The following OR10K1 variants were observed in gnomAD, a reference collection of about 807,000 sequenced individuals.
OR10K1 encodes olfactory receptor 10K1.
For missense variants in OR10K1, 404 were observed against 373.3 expected, an observed-to-expected ratio of 1.08 and a Z score of -0.68; for synonymous variants, 186 against 152.5, an observed-to-expected ratio of 1.22 and a Z score of -1.62.
In OR10K1 at chr1:158,465,966, C is replaced by T; in HGVS notation, c.405C>T (p.Leu135=). Residue 135 remains leucine (L), a synonymous_variant, in exon 2 of 2, where the codon CTC becomes CTT. Transcript: ENST00000641535. The stretch of plus-strand genomic sequence containing the variant: ...GTAACCCACTGCGCTACTCAGTGCT[C>T]ATGGGACATGGGGTGTGTATGGGAC... ...AICNPLRYSV[L]MGHGVCMGLM... is the part of the protein sequence containing the mutation. 4 of 1,614,152 alleles carry T rather than the reference C, an allele frequency of 2.5e-6. No individual in the cohort carries two copies. Among genetic ancestry groups the T allele is most frequent in the Non-Finnish European group, 3.4e-6 (4 of 1,180,024 alleles).
chr1:158,465,515 C>T lies in OR10K1; in HGVS notation c.-47C>T. ...ACATTTCCACTCTCCTTTCTGGATC[C>T]TGGTTTCTACCTCTGTCCCTGACTC... On this transcript the variant is annotated 5_prime_UTR_variant, in exon 2 of 2. Transcript: ENST00000641535. The T allele has an allele frequency of 6.9e-7, 1 of 1,458,260 alleles. No homozygotes were observed. Among genetic ancestry groups the T allele is most frequent in the Non-Finnish European group, 9.5e-7 (1 of 1,057,366 alleles). 90.3% of individuals were successfully genotyped at this position (1,458,260 alleles called of 1,614,324 possible).
Position 158,466,016 on chromosome 1 carries a change from G to A in OR10K1, c.455G>A (p.Gly152Asp). Residue 152 changes from glycine (G) to aspartate (D), a missense_variant, in exon 2 of 2, where the codon GGC (glycine) becomes GAC (aspartate). By Grantham distance (94) the Gly-to-Asp change is moderately conservative. Transcript: ENST00000641535. The stretch of plus-strand genomic sequence containing the variant: ...CTAATGGCTGCTGCCTGTGCCTGTG[G>A]CTTCACTGTCTCCCTGGTCACCACC... ...MGLMAAACAC[G>D]FTVSLVTTSL... is the part of the protein sequence containing the mutation. 1.2e-6 allele frequency: 2 copies of A among 1,614,052 alleles called. No individual in the cohort carries two copies. Among genetic ancestry groups the A allele is most frequent in the Non-Finnish European group, 1.7e-6 (2 of 1,180,012 alleles).
intron 1 of OR10K1, among the ~76,000 whole-genome samples, chr1:158,464,672 A>C (rs1655998098): frequency 6.6e-6 from 1 of 152,078 alleles, no homozygotes; most frequent in African/African-American, 2.4e-5. Flanking sequence ...TTTTTGAGAC[A>C]GATTCTCACT....
In OR10K1 at chr1:158,466,109, C is replaced by T. The variant is rs527774086; in HGVS notation, c.548C>T (p.Pro183Leu). The change falls in exon 2 of 2, where the codon CCT becomes CTT. Residue 183 changes from proline to leucine, a missense_variant. Transcript: ENST00000641535. ...QLHHFFCDIS[P>L]VLKLASQHSG... Reference sequence around the variant, plus strand: ...CATCACTTCTTCTGTGACATCTCCCCTGTCCTTAAACTGGCATCTCAGCAC... The same window carrying T: ...CATCACTTCTTCTGTGACATCTCCCTTGTCCTTAAACTGGCATCTCAGCAC... 2.5e-6 allele frequency: 4 copies of T among 1,613,970 alleles called. No homozygotes were observed. The highest frequency in any genetic ancestry group is 3.3e-5 in the Admixed American group (2 of 60,016).
Position 158,466,420 on chromosome 1 carries a change from C to G in OR10K1, c.859C>G (p.Pro287Ala), listed in dbSNP as rs1246234881. The change falls in exon 2 of 2, where the codon CCA becomes GCA. Residue 287 changes from proline (P) to alanine (A), a missense_variant. Physicochemically the swap from Pro to Ala is conservative, Grantham distance 27. Coordinates refer to ENST00000641535, the MANE Select transcript of OR10K1 (RefSeq NM_001004473.2). ...SYTILTPLFN[P>A]MIYSLRNKEF... ...CACCATCCTTACCCCATTGTTCAAT[C>G]CAATGATTTATAGTCTGAGAAATAA... The G allele has an allele frequency of 1.2e-6, 2 of 1,613,738 alleles. No homozygotes were observed. The highest frequency in any genetic ancestry group is 1.3e-5 in the African/African-American group (1 of 74,920).
At chr1:158,464,763 C>T (rs1403642383) in intron 1 of OR10K1, among the ~76,000 whole-genome samples, 1 of 152,142 alleles carries the variant, frequency 6.6e-6, no homozygotes, top group Non-Finnish European at 1.5e-5. Context: ...AATCTCATGC[C>T]TCAGCCTCCC....
In OR10K1 at chr1:158,466,248, T is replaced by G; in HGVS notation, c.687T>G (p.Pro229=). The change falls in exon 2 of 2, where the codon CCT becomes CCG. Residue 229 remains proline, a synonymous_variant. Coordinates refer to ENST00000641535, the MANE Select transcript of OR10K1 (RefSeq NM_001004473.2). The stretch of plus-strand genomic sequence containing the variant: ...TCATCTCTGCCATTCTAAAAATCCC[T>G]TCCTCCGTTGGAAGATACAAGACCT... ...IRIISAILKI[P]SSVGRYKTFS... The G allele has an allele frequency of 6.2e-7, 1 of 1,614,182 alleles. No homozygotes were observed. The highest frequency in any genetic ancestry group is 8.5e-7 in the Non-Finnish European group (1 of 1,180,024).
chr1:158,465,118 G>A (rs544761466), intron 1 of OR10K1, among the ~76,000 whole-genome samples: 1 of 152,088 alleles, frequency 6.6e-6, no homozygotes, highest in East Asian at 1.9e-4. Context: ...TTTCATGGTT[G>A]GATAAACTGA....
At chr1:158,464,653 A>T (rs887598515) in intron 1 of OR10K1, among the ~76,000 whole-genome samples, 2 of 151,712 alleles carry the variant, frequency 1.3e-5, no homozygotes, top group African/African-American at 4.8e-5. Context: ...ATTTTATTTT[A>T]TTTATTTATT....
At chr1:158,463,620 T>C (rs973243300) in intron 1 of OR10K1, among the ~76,000 whole-genome samples, 1 of 152,212 alleles carries the variant, frequency 6.6e-6, no homozygotes, top group African/African-American at 2.4e-5. Context: ...GAGGGCCTAG[T>C]GGCGGTTAAA....
In OR10K1 at chr1:158,465,651, C is replaced by T. The variant is rs147936310; in HGVS notation, c.90C>T (p.Ile30=). 6,117 of 1,614,152 alleles carry T rather than the reference C, an allele frequency of 3.8e-3. 12 individuals carry two copies. Among genetic ancestry groups the T allele is most frequent in the Middle Eastern group, 9.2e-3 (56 of 6,060 alleles). ...GGCTGCAGCAGCTGCTCTTTGTTAT[C>T]TTCCTGCTCCTCTACCTGTTCACTC... ...LARLQQLLFV[I]FLLLYLFTLG... is the part of the protein sequence containing the mutation. The change falls in exon 2 of 2, where the codon ATC becomes ATT. Residue 30 remains isoleucine (I), a synonymous_variant. Transcript: ENST00000641535.
chr1:158,462,809 T>C (rs1488193082), intron 1 of OR10K1, among the ~76,000 whole-genome samples: 1 of 152,246 alleles, frequency 6.6e-6, no homozygotes, highest in East Asian at 1.9e-4. Flanking sequence ...ACTTTGTTTC[T>C]ATTTAAATCC....
Position 158,466,149 on chromosome 1 carries a change from G to T in OR10K1, c.588G>T (p.Gln196His). ...CATCTCAGCACTCCGGCTTCAGTCA[G>T]CTGGTCATATTCATGCTTGGTGTAT... ...KLASQHSGFS[Q>H]LVIFMLGVFA... The change falls in exon 2 of 2, where the codon CAG (glutamine) becomes CAT (histidine). Residue 196 changes from glutamine to histidine, a missense_variant. Gln to His is a conservative substitution (Grantham distance 24). Transcript: ENST00000641535. The T allele has an allele frequency of 6.2e-7, 1 of 1,613,976 alleles. No individual in the cohort carries two copies. The highest frequency in any genetic ancestry group is 1.1e-5 in the South Asian group (1 of 91,054).
intron 1 of OR10K1, among the ~76,000 whole-genome samples, chr1:158,462,137 A>G (rs554575302): frequency 1.8e-4 from 28 of 151,940 alleles, no homozygotes; most frequent in Non-Finnish European, 3.8e-4. Flanking sequence ...AAAATTAGCC[A>G]GGCATGGTTG....
Position 158,467,002 on chromosome 1 carries a change from A to G in OR10K1, c.*499A>G, listed in dbSNP as rs1656058911. On this transcript the variant is annotated 3_prime_UTR_variant, in exon 2 of 2. Transcript: ENST00000641535. ...AATCTTGGTGGTCCTTTTTGTCCCC[A>G]ATTCATTTCCTTAACCTACATATTG... 1 of 153,970 alleles carries G rather than the reference A, an allele frequency of 6.5e-6. No individual in the cohort carries two copies. The highest frequency in any genetic ancestry group is 2.4e-5 in the African/African-American group (1 of 41,396). The allele number at this position is 153,970 out of a possible 1,614,324, so 9.5% of individuals were successfully genotyped here.
In OR10K1 at chr1:158,467,401, C is replaced by T. The variant is rs772935875; in HGVS notation, c.*898C>T. 59 of 152,150 alleles carry T rather than the reference C, an allele frequency of 3.9e-4. No individual in the cohort carries two copies. The highest frequency in any genetic ancestry group is 7.1e-4 in the Non-Finnish European group (48 of 68,022). The allele number at this position is 152,150 out of a possible 1,614,324, so 9.4% of individuals were successfully genotyped here. On this transcript the variant is annotated 3_prime_UTR_variant, in exon 2 of 2. Transcript: ENST00000641535. ...TTTCCACCTACCTCTTCAGTATTAT[C>T]ATTTCTAATTTTGTTATTCTCCATT...
rs905468081 is a variant in OR10K1, at chr1:158,465,975, T to C, written c.414T>C (p.His138=). 1 of 1,614,168 alleles carries C rather than the reference T, an allele frequency of 6.2e-7. No individual in the cohort carries two copies. Among genetic ancestry groups the C allele is most frequent in the South Asian group, 1.1e-5 (1 of 91,084 alleles). The change falls in exon 2 of 2, where the codon CAT becomes CAC. Residue 138 remains histidine (H), a synonymous_variant. Transcript: ENST00000641535. ...TGCGCTACTCAGTGCTCATGGGACA[T>C]GGGGTGTGTATGGGACTAATGGCTG... ...NPLRYSVLMG[H]GVCMGLMAAA... is the part of the protein sequence containing the mutation.
intron 1 of OR10K1, among the ~76,000 whole-genome samples, chr1:158,465,167 G>A (rs1409866168): frequency 3.3e-5 from 5 of 151,980 alleles, no homozygotes; most frequent in African/African-American, 7.3e-5. Flanking sequence ...TCATTCTTTC[G>A]TTCTATATTC....
chr1:158,467,132 G>C lies in OR10K1; in HGVS notation c.*629G>C, dbSNP rs1315787134. ...GCACATGTATGTCCTTCACATACTAGTGTGTCTTAGCCCCCACATTTGTTC... is the reference window on the plus strand; with the variant it reads ...GCACATGTATGTCCTTCACATACTACTGTGTCTTAGCCCCCACATTTGTTC... On this transcript the variant is annotated 3_prime_UTR_variant, in exon 2 of 2. Coordinates refer to ENST00000641535, the MANE Select transcript of OR10K1 (RefSeq NM_001004473.2). The C allele has an allele frequency of 1.3e-5, 2 of 152,344 alleles. No homozygotes were observed. Among genetic ancestry groups the C allele is most frequent in the African/African-American group, 4.8e-5 (2 of 41,408 alleles). The allele number at this position is 152,344 out of a possible 1,614,324, so 9.4% of individuals were successfully genotyped here.
Sources: gnomAD v4.1 joint callset for allele counts (sites outside exome capture counted in the v4.1 genomes callset) on GRCh38, gnomAD v4.1.1 for gene constraint, MANE v1.5 for transcripts, NCBI Gene and HGNC (gene_info 2026-07-23, HGNC 2026-07-21) for gene names.